Variants in STAU2 observed in about 807,000 individuals in gnomAD.
STAU2 encodes the protein staufen double-stranded RNA binding protein 2, also known as double-stranded RNA-binding protein Staufen homolog 2.
STAU2 carries 20 observed loss-of-function variants against 65.9 expected under a neutral mutation model. The ratio of observed to expected loss-of-function variants is 0.30; its 90% CI spans 0.21 to 0.44. The LOEUF (loss-of-function observed/expected upper bound fraction) is 0.44, where lower values mean the gene tolerates loss of function less well. Ranked by LOEUF, STAU2 falls within the 20% of genes least tolerant of loss-of-function variation. The pLI is 1.00. For missense variants in STAU2, 558 were observed against 683.9 expected, an observed-to-expected ratio of 0.82 and a Z score of 2.05; for synonymous variants, 232 against 233.9, an observed-to-expected ratio of 0.99 and a Z score of 0.07.
In STAU2 at chr8:73,701,058, T is replaced by C. The variant is rs190035700; in HGVS notation, c.114+7974A>G. Among the ~76,000 whole-genome samples the C allele has an allele frequency of 3.9e-5, 6 of 152,212 alleles. No individual in the cohort carries two copies. The East Asian group carries it at 9.6e-4, about 24-fold the overall frequency. ...CTTCAATAAATGGTACTGGGAAAGC[T>C]AGATATCCATATGCAGAAAAATGAA... On this transcript the variant is annotated intron_variant, in intron 4 of 14. Transcript: ENST00000524300.
chr8:73,473,582 G>C (rs975841344), intron 13 of STAU2, among the ~76,000 whole-genome samples: 3 of 152,142 alleles, frequency 2.0e-5, no homozygotes, highest in African/African-American at 7.2e-5. Flanking sequence ...GTGAGGACTG[G>C]CACCTTCTTC....
At chr8:73,504,504 T>C (rs1821942476) in intron 13 of STAU2, among the ~76,000 whole-genome samples, 1 of 152,108 alleles carries the variant, frequency 6.6e-6, no homozygotes, top group South Asian at 2.1e-4. Flanking sequence ...ACATTTCAAA[T>C]GTATAGAGTG....
In STAU2 at chr8:73,427,037, T is replaced by C. The variant is rs147073366; in HGVS notation, c.1531-4335A>G. 2.4e-3 allele frequency among the ~76,000 whole-genome samples: 357 copies of C among 151,542 alleles called. 1 individual carries two copies. Among genetic ancestry groups the C allele is most frequent in the Non-Finnish European group, 3.2e-3 (215 of 67,912 alleles). ...TCTGCCTCCCGGGTTCAAGCGATTC[T>C]CCTGCCTCAGCCTCCCGAGTAGCTG... On this transcript the variant is annotated intron_variant, in intron 13 of 14. Transcript: ENST00000524300.
intron 13 of STAU2, among the ~76,000 whole-genome samples, chr8:73,548,047 A>T (rs535473777): frequency 1.3e-4 from 20 of 152,230 alleles, no homozygotes; most frequent in African/African-American, 4.3e-4. Flanking sequence ...ATACTACAAC[A>T]TTTTATATAA....
intron 6 of STAU2, among the ~76,000 whole-genome samples, chr8:73,636,316 G>A (rs961247386): frequency 1.6e-4 from 25 of 151,702 alleles, no homozygotes; most frequent in African/African-American, 5.1e-4. Flanking sequence ...GGTGGAGGTT[G>A]CAGTGAGCCA....
intron 6 of STAU2, among the ~76,000 whole-genome samples, chr8:73,630,835 C>A (rs1290987915): frequency 2.6e-5 from 4 of 152,192 alleles, no homozygotes; most frequent in Non-Finnish European, 4.4e-5. Flanking sequence ...CATCAGCCTT[C>A]TTTGATATTC....
intron 13 of STAU2, among the ~76,000 whole-genome samples, chr8:73,530,473 T>C (rs901175488): frequency 3.9e-5 from 6 of 152,154 alleles, no homozygotes; most frequent in Admixed American, 1.3e-4. Flanking sequence ...GTCAGCCTGA[T>C]GAGAAATACA....
intron 1 of STAU2, among the ~76,000 whole-genome samples, chr8:73,744,166 AC>A (rs1342784395): frequency 6.6e-6 from 1 of 152,178 alleles, no homozygotes; most frequent in Non-Finnish European, 1.5e-5. Flanking sequence ...GACCTCTAGG[AC>A]AACATAATGG....
At chr8:73,674,821 TAAATCCTAACTG>T (rs1280544328) in intron 5 of STAU2, among the ~76,000 whole-genome samples, 1 of 151,944 alleles carries the variant, frequency 6.6e-6, no homozygotes, top group East Asian at 1.9e-4. Flanking sequence ...CCTGTAGTTT[TAAATCCTAACTG>T]AAATCCTAAC....
chr8:73,739,897 G>T, intron 1 of STAU2, 29 bp from the exon 2 acceptor site: 1 of 792,214 alleles, frequency 1.3e-6, no homozygotes, highest in South Asian at 1.5e-5. Flanking sequence ...CAGAAATAAT[G>T]AGATACCACT....
intron 12 of STAU2, among the ~76,000 whole-genome samples, chr8:73,559,100 T>C (rs1808001694): frequency 1.3e-5 from 2 of 152,236 alleles, no homozygotes; most frequent in South Asian, 4.1e-4. Flanking sequence ...AAGTAAGGTC[T>C]GTAGTCTAGT....
intron 13 of STAU2, chr8:73,441,225 A>T (rs920014034): frequency 6.6e-6 from 1 of 152,258 alleles, no homozygotes; most frequent in Non-Finnish European, 1.5e-5. Context: ...TTACTTGTTT[A>T]GTATCTGTGT....
In STAU2 at chr8:73,445,639, T is replaced by A. The variant is rs150036168; in HGVS notation, c.1531-22937A>T. Among the ~76,000 whole-genome samples the A allele has an allele frequency of 6.1e-4, 93 of 152,014 alleles. No individual in the cohort carries two copies. The Middle Eastern group carries it at 0.037, about 61-fold the overall frequency. The stretch of plus-strand genomic sequence containing the variant: ...ACAGAGGGCCAGTATCTGGAATGCA[T>A]GAAGAACTCTCAAAACTCAACAGTG... On this transcript the variant is annotated intron_variant, in intron 13 of 14. Transcript: ENST00000524300.
chr8:73,460,725 C>T (rs1819310904), intron 13 of STAU2, among the ~76,000 whole-genome samples: 1 of 152,112 alleles, frequency 6.6e-6, no homozygotes, highest in African/African-American at 2.4e-5. Flanking sequence ...GGAATGACAG[C>T]CATAATTATT....
intron 13 of STAU2, among the ~76,000 whole-genome samples, chr8:73,510,892 C>T (rs1163003081): frequency 6.6e-6 from 1 of 152,220 alleles, no homozygotes; most frequent in East Asian, 1.9e-4. Flanking sequence ...TGGATTTACA[C>T]AATTGATATT....
chr8:73,475,369 G>A (rs1423162491), intron 13 of STAU2, among the ~76,000 whole-genome samples: 1 of 152,110 alleles, frequency 6.6e-6, no homozygotes, highest in Non-Finnish European at 1.5e-5. Flanking sequence ...CAAACCCCCT[G>A]TTCCCACAGA....
chr8:73,727,016 G>A (rs1442854578), intron 3 of STAU2, among the ~76,000 whole-genome samples: 1 of 152,094 alleles, frequency 6.6e-6, no homozygotes, highest in Non-Finnish European at 1.5e-5. Flanking sequence ...GATCACTTGA[G>A]GTCAGGAGTT....
intron 13 of STAU2, among the ~76,000 whole-genome samples, chr8:73,426,004 G>A (rs1008677255): frequency 2.6e-5 from 4 of 152,114 alleles, no homozygotes; most frequent in Admixed American, 2.6e-4. Context: ...TGTTGGCCAG[G>A]CTGGTCTTGA....
intron 13 of STAU2, among the ~76,000 whole-genome samples, chr8:73,522,622 G>A (rs1474849956): frequency 6.6e-6 from 1 of 152,296 alleles, no homozygotes; most frequent in African/African-American, 2.4e-5. Flanking sequence ...TGAGAAATCT[G>A]TATCTGAAAA....
Sources: allele counts gnomAD v4.1 joint callset (sites outside exome capture counted in the v4.1 genomes callset), GRCh38; gene constraint gnomAD v4.1.1; transcripts MANE v1.5; gene names NCBI Gene and HGNC (gene_info 2026-07-23, HGNC 2026-07-21).